SPAG16: variants seen among roughly 807,000 people sequenced by gnomAD.
SPAG16 encodes the protein sperm associated antigen 16.
In SPAG16, 86 loss-of-function variants were observed where a neutral mutation model predicts 80.4. The observed-to-expected ratio is 1.07, with a 90% CI of 0.90 to 1.28. The LOEUF (loss-of-function observed/expected upper bound fraction) is 1.28. SPAG16 is among the 50% of genes most tolerant of loss of function. SPAG16 has a pLI of 0.00. For missense variants in SPAG16, 870 were observed against 765.3 expected, an observed-to-expected ratio of 1.14 and a Z score of -1.61; for synonymous variants, 294 against 265.9, an observed-to-expected ratio of 1.11 and a Z score of -1.03.
intron 12 of SPAG16, among the ~76,000 whole-genome samples, chr2:213,988,679 A>G (rs994045634): frequency 6.8e-6 from 1 of 146,978 alleles, no homozygotes; most frequent in Non-Finnish European, 1.5e-5. Context: ...ATTTTTTTAA[A>G]TTAAAAAAAA....
intron 10 of SPAG16, among the ~76,000 whole-genome samples, chr2:213,724,939 T>C (rs2066697131): frequency 6.6e-6 from 1 of 152,124 alleles, no homozygotes; most frequent in Admixed American, 6.5e-5. Context: ...AGTTGATTTA[T>C]TCAGTCAACA....
intron 9 of SPAG16, among the ~76,000 whole-genome samples, chr2:213,422,794 C>T (rs994162500): frequency 6.6e-6 from 1 of 152,170 alleles, no homozygotes; most frequent in Admixed American, 6.5e-5. Context: ...AAGGATTAGC[C>T]CTGTTGCTAC....
At chr2:213,566,266 A>T (rs895929352) in intron 10 of SPAG16, among the ~76,000 whole-genome samples, 4 of 152,184 alleles carry the variant, frequency 2.6e-5, no homozygotes, top group African/African-American at 7.2e-5. Context: ...GTAAAAATTG[A>T]GGGAAGTGCA....
chr2:213,440,283 C>T (rs544460872), intron 9 of SPAG16, among the ~76,000 whole-genome samples: 2 of 152,270 alleles, frequency 1.3e-5, no homozygotes, highest in African/African-American at 2.4e-5. Context: ...GGTGCAGTGG[C>T]TCATGCCTGT....
chr2:213,966,759 G>A (rs543710329), intron 12 of SPAG16, among the ~76,000 whole-genome samples: 1 of 152,120 alleles, frequency 6.6e-6, no homozygotes, highest in East Asian at 1.9e-4. Flanking sequence ...TTGCTTGGTG[G>A]CTGCTAGCAT....
intron 15 of SPAG16, among the ~76,000 whole-genome samples, chr2:214,281,750 G>T (rs1332561586): frequency 6.6e-6 from 1 of 152,122 alleles, no homozygotes; most frequent in Non-Finnish European, 1.5e-5. Context: ...AATATTCATA[G>T]AACCTTTATA....
At chr2:214,221,940 A>G (rs1472516411) in intron 15 of SPAG16, among the ~76,000 whole-genome samples, 3 of 151,692 alleles carry the variant, frequency 2.0e-5, no homozygotes, top group Non-Finnish European at 4.4e-5. Context: ...CTGCCAATTG[A>G]AAAAAAACAT....
intron 10 of SPAG16, among the ~76,000 whole-genome samples, chr2:213,675,039 A>G (rs2063991381): frequency 1.3e-5 from 2 of 150,552 alleles, no homozygotes; most frequent in South Asian, 2.1e-4. Flanking sequence ...CATCCTCTCC[A>G]GCACCTGTTG....
At chr2:214,101,622 A>C (rs145825880) in intron 13 of SPAG16, among the ~76,000 whole-genome samples, 60 of 152,222 alleles carry the variant, frequency 3.9e-4, no homozygotes, top group African/African-American at 1.3e-3. Context: ...GGAATATTGG[A>C]AAGATTTGGC....
chr2:214,346,369 G>A (rs1001761527), intron 15 of SPAG16, among the ~76,000 whole-genome samples: 2 of 152,014 alleles, frequency 1.3e-5, no homozygotes, highest in Non-Finnish European at 2.9e-5. Flanking sequence ...TGACTATCTT[G>A]GTATTCTCTA....
chr2:213,909,647 A>G (rs2106160250), intron 11 of SPAG16, among the ~76,000 whole-genome samples: 1 of 152,298 alleles, frequency 6.6e-6, no homozygotes, highest in African/African-American at 2.4e-5. Context: ...TATTTAATAA[A>G]TGGTGCTGGG....
intron 10 of SPAG16, among the ~76,000 whole-genome samples, chr2:213,555,657 C>T (rs1370660327): frequency 1.3e-5 from 2 of 152,182 alleles, no homozygotes; most frequent in Non-Finnish European, 2.9e-5. Context: ...CATACATTCC[C>T]AGATGAATAA....
chr2:213,526,949 A>G (rs1217142941), intron 10 of SPAG16, among the ~76,000 whole-genome samples: 2 of 152,210 alleles, frequency 1.3e-5, no homozygotes, highest in Admixed American at 6.5e-5. Flanking sequence ...TGTGTTTTCC[A>G]GAGAAGAAGG....
At chr2:213,549,358 G>C (rs1325965780) in intron 10 of SPAG16, among the ~76,000 whole-genome samples, 2 of 151,790 alleles carry the variant, frequency 1.3e-5, no homozygotes, top group Admixed American at 1.3e-4. Flanking sequence ...AGTTTCTAAA[G>C]GTATTTTAAT....
intron 10 of SPAG16, among the ~76,000 whole-genome samples, chr2:213,726,503 G>GA (rs1173001320): frequency 1.3e-5 from 2 of 151,714 alleles, no homozygotes; most frequent in Admixed American, 6.6e-5. Flanking sequence ...ACCTTGCTTT[G>GA]AAAAAAAAGT....
intron 13 of SPAG16, among the ~76,000 whole-genome samples, chr2:214,105,972 T>G (rs1223134217): frequency 1.3e-5 from 2 of 152,156 alleles, no homozygotes; most frequent in African/African-American, 4.8e-5. Flanking sequence ...AACCCCATAT[T>G]TCCAGGGTTT....
intron 12 of SPAG16, among the ~76,000 whole-genome samples, chr2:214,002,111 C>T (rs1236815363): frequency 6.6e-6 from 1 of 152,160 alleles, no homozygotes; most frequent in African/African-American, 2.4e-5. Context: ...ATGGGGGAAA[C>T]TATCTCCCTG....
intron 10 of SPAG16, among the ~76,000 whole-genome samples, chr2:213,516,179 T>C (rs2075416451): frequency 6.6e-6 from 1 of 152,170 alleles, no homozygotes; most frequent in Non-Finnish European, 1.5e-5. Flanking sequence ...CAGAGAAAGA[T>C]TAAGAACCTA....
At chr2:213,996,431 G>A (rs1202126244) in intron 12 of SPAG16, among the ~76,000 whole-genome samples, 4 of 152,054 alleles carry the variant, frequency 2.6e-5, no homozygotes, top group Admixed American at 2.6e-4. Flanking sequence ...GTAAAATCAG[G>A]ACTGTCAGGA....
Sources: gnomAD v4.1 joint callset for allele counts (sites outside exome capture counted in the v4.1 genomes callset) on GRCh38, gnomAD v4.1.1 for gene constraint, MANE v1.5 for transcripts, NCBI Gene and HGNC (gene_info 2026-07-23, HGNC 2026-07-21) for gene names.